HHAT: variants seen among roughly 807,000 people sequenced by gnomAD.
HHAT encodes the protein hedgehog acyltransferase.
In HHAT, 47 loss-of-function variants were observed where a neutral mutation model predicts 70.8. The observed-to-expected ratio is 0.66, with a 90% confidence interval of 0.53 to 0.85. HHAT has a LOEUF of 0.85. HHAT is among the 40% of genes least tolerant of loss of function. The probability of loss-of-function intolerance (pLI) is 0.00; values close to 1 mark genes in which losing one functional copy is unlikely to be tolerated. For synonymous variants in HHAT, 228 were observed against 247.6 expected (o/e 0.92, Z 0.74); for missense variants, 609 against 604.8 (o/e 1.01, Z -0.07).
chr1:210,650,600 T>G (rs1236229564), intron 11 of HHAT, among the ~76,000 whole-genome samples: 1 of 152,228 alleles, frequency 6.6e-6, no homozygotes, highest in Non-Finnish European at 1.5e-5. Flanking sequence ...GCTTTGGAAT[T>G]TAGCCAATTA....
chr1:210,342,175 TA>T (rs1250267979), intron 1 of HHAT, among the ~76,000 whole-genome samples: 1 of 152,186 alleles, frequency 6.6e-6, no homozygotes, highest in African/African-American at 2.4e-5. Context: ...ACTAAGGGCC[TA>T]AATCATCAAC....
At chr1:210,640,150 G>C (rs75852323) in intron 11 of HHAT, among the ~76,000 whole-genome samples, 14,960 of 152,168 alleles carry the variant, frequency 0.098, 817 homozygotes, top group East Asian at 0.16. Context: ...GTGTATCTCC[G>C]ACTGAGTTAG....
chr1:210,642,378 T>G (rs1317789156), intron 11 of HHAT, among the ~76,000 whole-genome samples: 1 of 152,246 alleles, frequency 6.6e-6, no homozygotes. Flanking sequence ...GAGTATATAC[T>G]CAGGAAATTG....
At chr1:210,439,753 G>A (rs920480918) in intron 7 of HHAT, 4 of 151,834 alleles carry the variant, frequency 2.6e-5, no homozygotes, top group African/African-American at 9.7e-5. Flanking sequence ...AGGGTCTTCA[G>A]GTAAGGCCAG....
At chr1:210,592,639 A>G (rs1661994697) in intron 10 of HHAT, among the ~76,000 whole-genome samples, 1 of 152,034 alleles carries the variant, frequency 6.6e-6, no homozygotes, top group Admixed American at 6.6e-5. Flanking sequence ...GGATGTTTTA[A>G]CAATATTGAT....
intron 9 of HHAT, among the ~76,000 whole-genome samples, chr1:210,573,111 T>C (rs1656751514): frequency 6.6e-6 from 1 of 152,228 alleles, no homozygotes; most frequent in African/African-American, 2.4e-5. Flanking sequence ...TATTGTGATA[T>C]TTTGTAACTC....
At chr1:210,550,704 C>G (rs2095520796) in intron 9 of HHAT, among the ~76,000 whole-genome samples, 1 of 148,906 alleles carries the variant, frequency 6.7e-6, no homozygotes, top group Non-Finnish European at 1.5e-5. Context: ...GAGTCTCACT[C>G]TGTTGCCCAG....
At chr1:210,492,125 C>T (rs1197557931) in intron 8 of HHAT, among the ~76,000 whole-genome samples, 4 of 152,110 alleles carry the variant, frequency 2.6e-5, no homozygotes, top group Non-Finnish European at 5.9e-5. Context: ...ACGTACCCAC[C>T]TGCATCCTCT....
At position 210,662,262 on chromosome 1, in the gene HHAT, C is replaced by T. The variant is rs191764437; in HGVS notation, c.1391-12026C>T. ...CTTCACATAAGGCCTCAAATGAAGA[C>T]GCAGACTGCCTATGGCAAGAATCCA... On this transcript the variant is annotated intron_variant, in intron 11 of 11. Transcript: ENST00000261458. Among the ~76,000 whole-genome samples, 1,230 of 152,276 alleles carry T rather than the reference C, an allele frequency of 8.1e-3. 7 individuals are homozygous for T. Among genetic ancestry groups the T allele is most frequent in the Non-Finnish European group, 0.012 (833 of 68,024 alleles).
intron 7 of HHAT, among the ~76,000 whole-genome samples, chr1:210,431,486 T>G (rs1407955262): frequency 1.3e-5 from 2 of 151,954 alleles, no homozygotes. Context: ...TGCTTTCACA[T>G]ATTTCATTTA....
At chr1:210,335,623 A>G (rs971002907) in intron 1 of HHAT, among the ~76,000 whole-genome samples, 6 of 152,232 alleles carry the variant, frequency 3.9e-5, no homozygotes, top group Non-Finnish European at 7.3e-5. Context: ...AGGCTTATAC[A>G]TCTGTGGTCT....
intron 11 of HHAT, among the ~76,000 whole-genome samples, chr1:210,643,932 T>G (rs1673489626): frequency 6.6e-6 from 1 of 152,040 alleles, no homozygotes; most frequent in Admixed American, 6.6e-5. Flanking sequence ...AAATTTCTTT[T>G]TTTTTCTGTT....
intron 7 of HHAT, among the ~76,000 whole-genome samples, chr1:210,458,378 G>A (rs2093913309): frequency 6.6e-6 from 1 of 152,090 alleles, no homozygotes; most frequent in Admixed American, 6.5e-5. Flanking sequence ...TGGTGCTAAG[G>A]AGATGAAATT....
chr1:210,385,252 C>CTTTTTTTTTTTTT (rs55887436), intron 3 of HHAT, among the ~76,000 whole-genome samples: 12 of 138,898 alleles, frequency 8.6e-5, no homozygotes, highest in African/African-American at 1.9e-4. Context: ...ATATGTTTTT[C>CTTTTTTTTTTTTT]TTTTTTTTTT....
At position 210,665,787 on chromosome 1, in the gene HHAT, T is replaced by A. The variant is rs887910134; in HGVS notation, c.1391-8501T>A. On this transcript the variant is annotated intron_variant, in intron 11 of 11. Coordinates refer to ENST00000261458, the MANE Select transcript of HHAT (RefSeq NM_018194.6). Reference sequence around the variant, plus strand: ...GAGGTGATGTGGCTTCAAGCAAGAATATCACTATTGGATTGAAATCAAAAC... The same window carrying A: ...GAGGTGATGTGGCTTCAAGCAAGAAAATCACTATTGGATTGAAATCAAAAC... Among the ~76,000 whole-genome samples, 39 of 152,328 alleles carry A rather than the reference T, an allele frequency of 2.6e-4. 1 individual carries two copies. Among genetic ancestry groups the A allele is most frequent in the African/African-American group, 8.9e-4 (37 of 41,560 alleles).
chr1:210,409,609 A>G (rs577188546), intron 6 of HHAT, among the ~76,000 whole-genome samples: 1 of 152,304 alleles, frequency 6.6e-6, no homozygotes, highest in African/African-American at 2.4e-5. Context: ...GAAGCTAATA[A>G]GTTAGTGGCC....
rs138171517 is a variant in HHAT, at chr1:210,450,853, C to T, written c.857-13652C>T. On this transcript the variant is annotated intron_variant, in intron 7 of 11. Coordinates refer to ENST00000261458, the MANE Select transcript of HHAT (RefSeq NM_018194.6). ...GTGGTGTTAAGTTTTGTTAAAAGTGCGGGCAGATCACGAGGTCAGGAGATC... is the reference window on the plus strand; with the variant it reads ...GTGGTGTTAAGTTTTGTTAAAAGTGTGGGCAGATCACGAGGTCAGGAGATC... Among the ~76,000 whole-genome samples, 1,147 of 151,894 alleles carry T rather than the reference C, an allele frequency of 7.6e-3. 18 individuals carry two copies. Among genetic ancestry groups the T allele is most frequent in the African/African-American group, 0.025 (1,034 of 41,450 alleles).
intron 9 of HHAT, among the ~76,000 whole-genome samples, chr1:210,546,992 A>G (rs1415499938): frequency 6.6e-6 from 1 of 151,156 alleles, no homozygotes; most frequent in Non-Finnish European, 1.5e-5. Flanking sequence ...ATGGTCTCAG[A>G]TGGCGTTAGT....
intron 9 of HHAT, among the ~76,000 whole-genome samples, chr1:210,556,208 TTG>T (rs1355691158): frequency 1.3e-5 from 2 of 151,762 alleles, no homozygotes; most frequent in Non-Finnish European, 2.9e-5. Context: ...TCCTCCCATA[TTG>T]TCTTATGTTG....
Sources: allele counts gnomAD v4.1 joint callset (sites outside exome capture counted in the v4.1 genomes callset), GRCh38; gene constraint gnomAD v4.1.1; transcripts MANE v1.5; gene names NCBI Gene and HGNC (gene_info 2026-07-23, HGNC 2026-07-21).